Variants in EXOC5 observed in about 807,000 individuals in gnomAD.
EXOC5 encodes the protein SEC10-like 1.
Under a neutral mutation model 90.8 loss-of-function variants are expected in EXOC5, and 17 were observed. The ratio of observed to expected loss-of-function variants is 0.19; its 90% CI spans 0.13 to 0.28. The LOEUF (loss-of-function observed/expected upper bound fraction) is 0.28. EXOC5 is among the 10% of genes least tolerant of loss of function. The pLI is 1.00. For missense variants in EXOC5, 569 were observed against 830.6 expected (o/e 0.69, Z 3.87); for synonymous variants, 260 against 270.0 (o/e 0.96, Z 0.36).
chr14:57,230,901 T>C (rs915781561), intron 11 of EXOC5, among the ~76,000 whole-genome samples: 7 of 151,994 alleles, frequency 4.6e-5, no homozygotes, highest in Non-Finnish European at 1.0e-4. Context: ...CTGGAACTTA[T>C]TCTATCGAGA....
chr14:57,212,405 ACCC>A (rs1882856639), intron 15 of EXOC5, among the ~76,000 whole-genome samples: 1 of 152,204 alleles, frequency 6.6e-6, no homozygotes, highest in Non-Finnish European at 1.5e-5. Flanking sequence ...ATAACGGTGG[ACCC>A]AACAAGAAAT....
Position 57,253,529 on chromosome 14 carries a change from T to C in EXOC5, c.28-5817A>G, listed in dbSNP as rs1000613824. ...CCAATGACTTTGTTTTATTCAAAAATAGACAAACCCCGAAGAGCACAAAAC... is the reference window on the plus strand; with the variant it reads ...CCAATGACTTTGTTTTATTCAAAAACAGACAAACCCCGAAGAGCACAAAAC... On this transcript the variant is annotated intron_variant, in intron 1 of 17. Transcript: ENST00000621441. Among the ~76,000 whole-genome samples the C allele has an allele frequency of 6.6e-5, 10 of 152,116 alleles. No individual in the cohort carries two copies. The East Asian group carries it at 9.6e-4, about 15-fold the overall frequency.
chr14:57,234,572 T>C (rs8011504), intron 7 of EXOC5, among the ~76,000 whole-genome samples: 30,781 of 147,006 alleles, frequency 0.21, 4,391 homozygotes, highest in African/African-American at 0.41. Context: ...TATATTTCTT[T>C]TTTTTTTTTT....
At chr14:57,244,520 C>T (rs537550476) in intron 3 of EXOC5, among the ~76,000 whole-genome samples, 161 bp from the exon 4 acceptor site, 1 of 151,930 alleles carries the variant, frequency 6.6e-6, no homozygotes, top group African/African-American at 2.4e-5. Flanking sequence ...AATCTGTTAA[C>T]CAAACTGCAA....
chr14:57,250,478 C>T (rs886162162), intron 1 of EXOC5, among the ~76,000 whole-genome samples: 3 of 152,166 alleles, frequency 2.0e-5, no homozygotes, highest in Admixed American at 2.0e-4. Context: ...CTTTAGTACA[C>T]TAAGGAAAGA....
Position 57,202,727 on chromosome 14 carries a change from T to G in EXOC5, c.*5882A>C, listed in dbSNP as rs1882543238. ...AACTGTTTTGGTTTTGTTATTAATTTCCTTTGAAATTTTTCTCATGCAAGA... is the reference window on the plus strand; with the variant it reads ...AACTGTTTTGGTTTTGTTATTAATTGCCTTTGAAATTTTTCTCATGCAAGA... On this transcript the variant is annotated 3_prime_UTR_variant, in exon 18 of 18. Transcript: ENST00000621441. The G allele has an allele frequency of 6.6e-6, 1 of 152,208 alleles. No homozygotes were observed. The highest frequency in any genetic ancestry group is 2.1e-4 in the South Asian group (1 of 4,832). The allele number at this position is 152,208 out of a possible 1,614,324, so 9.4% of individuals were successfully genotyped here.
Position 57,238,985 on chromosome 14 carries a change from C to T in EXOC5, c.530+610G>A, listed in dbSNP as rs545047289. 2.6e-5 allele frequency among the ~76,000 whole-genome samples: 4 copies of T among 152,042 alleles called. No homozygotes were observed. The South Asian group carries it at 8.3e-4, about 32-fold the overall frequency. On this transcript the variant is annotated intron_variant, in intron 5 of 17. Coordinates refer to ENST00000621441, the MANE Select transcript of EXOC5 (RefSeq NM_006544.4). ...AGAAATCATGAAAAAATTTCCTTCT[C>T]AGTGGATAGTTTATTTTAGGATGAA...
rs941476927 is a variant in EXOC5 at position 57,207,928 on chromosome 14, T to C, written c.*681A>G. On this transcript the variant is annotated 3_prime_UTR_variant, in exon 18 of 18. Coordinates refer to ENST00000621441, the MANE Select transcript of EXOC5 (RefSeq NM_006544.4). Reference sequence around the variant, plus strand: ...TACCAAATAAGAAATAGTAAACTTTTAAGTTTTACCCAGAAAGCAGAAGTA... The same window carrying C: ...TACCAAATAAGAAATAGTAAACTTTCAAGTTTTACCCAGAAAGCAGAAGTA... The C allele has an allele frequency of 6.6e-6, 1 of 152,116 alleles. No individual in the cohort carries two copies. The highest frequency in any genetic ancestry group is 1.5e-5 in the Non-Finnish European group (1 of 67,992). 9.4% of individuals were successfully genotyped at this position (152,116 alleles called of 1,614,324 possible).
rs552802685 is a variant in EXOC5 at position 57,212,093 on chromosome 14, G to A, written c.1614-2032C>T. Among the ~76,000 whole-genome samples, 20 of 152,218 alleles carry A rather than the reference G, an allele frequency of 1.3e-4. No individual in the cohort carries two copies. In the South Asian group the frequency reaches 3.1e-3, roughly 24 times the overall value. The stretch of plus-strand genomic sequence containing the variant: ...TGCCTCAGGCTGGTCCCAAACTCCC[G>A]GGCTCAAGTGATCCTCCTGCCTCAG... On this transcript the variant is annotated intron_variant, in intron 15 of 17. Coordinates refer to ENST00000621441, the MANE Select transcript of EXOC5 (RefSeq NM_006544.4).
At chr14:57,256,447 C>T (rs932396216) in intron 1 of EXOC5, among the ~76,000 whole-genome samples, 3 of 152,066 alleles carry the variant, frequency 2.0e-5, no homozygotes, top group South Asian at 2.1e-4. Flanking sequence ...GTTGCAACTC[C>T]GAGACCAGCT....
In EXOC5 at chr14:57,208,085, T is replaced by C. The variant is rs1469724915; in HGVS notation, c.*524A>G. The C allele has an allele frequency of 6.6e-6, 1 of 152,468 alleles. No homozygotes were observed. The highest frequency in any genetic ancestry group is 1.5e-5 in the Non-Finnish European group (1 of 68,214). The allele number at this position is 152,468 out of a possible 1,614,324, so 9.4% of individuals were successfully genotyped here. ...AACCAACTGCAGAAAGTATGCTTAA[T>C]TGTTAACCTTTTGAAAGAGGCAAAA... is the stretch of plus-strand genomic sequence containing the variant. On this transcript the variant is annotated 3_prime_UTR_variant, in exon 18 of 18. Transcript: ENST00000621441.
chr14:57,249,231 T>G (rs1221540016), intron 1 of EXOC5, among the ~76,000 whole-genome samples: 1 of 152,120 alleles, frequency 6.6e-6, no homozygotes, highest in Non-Finnish European at 1.5e-5. Flanking sequence ...GTTGTGAAAT[T>G]AGGAAGTAGT....
chr14:57,249,315 T>C lies in EXOC5; in HGVS notation c.28-1603A>G, dbSNP rs569943111. ...TAATCATATCCCTTTCCCTATCATT[T>C]TCTTGGCATACACATTAGTATACTT... On this transcript the variant is annotated intron_variant, in intron 1 of 17. Transcript: ENST00000621441. 5.9e-5 allele frequency among the ~76,000 whole-genome samples: 9 copies of C among 152,300 alleles called. No homozygotes were observed. The South Asian group carries it at 8.3e-4, about 14-fold the overall frequency.
chr14:57,200,890 C>T lies in EXOC5; in HGVS notation c.*7719G>A, dbSNP rs1157534085. 1.3e-5 allele frequency: 2 copies of T among 151,746 alleles called. No homozygotes were observed. Among genetic ancestry groups the T allele is most frequent in the Non-Finnish European group, 2.9e-5 (2 of 67,992 alleles). The allele number at this position is 151,746 out of a possible 1,614,324, so 9.4% of individuals were successfully genotyped here. On this transcript the variant is annotated 3_prime_UTR_variant, in exon 18 of 18. Coordinates refer to ENST00000621441, the MANE Select transcript of EXOC5 (RefSeq NM_006544.4). ...CCATTCTTATTCCCTCAATTTGGTC[C>T]TAAAGCCAAAACTTCAAGAGCTATG...
chr14:57,238,895 T>G (rs1012734166), intron 5 of EXOC5, among the ~76,000 whole-genome samples: 1 of 152,072 alleles, frequency 6.6e-6, no homozygotes, highest in Non-Finnish European at 1.5e-5. Flanking sequence ...CTTTCAAATA[T>G]TCACATGGAG....
chr14:57,230,829 T>C (rs1228592562), intron 11 of EXOC5, among the ~76,000 whole-genome samples: 1 of 151,942 alleles, frequency 6.6e-6, no homozygotes, highest in Admixed American at 6.6e-5. Context: ...CTACAAACTA[T>C]TTTCTATTTT....
chr14:57,215,287 C>A (rs1681309904), intron 15 of EXOC5, among the ~76,000 whole-genome samples: 1 of 151,040 alleles, frequency 6.6e-6, no homozygotes, highest in South Asian at 2.1e-4. Context: ...CTTTTTCAAA[C>A]AATGGAAGAA....
chr14:57,252,064 C>A (rs1884212622), intron 1 of EXOC5, among the ~76,000 whole-genome samples: 1 of 152,102 alleles, frequency 6.6e-6, no homozygotes, highest in Non-Finnish European at 1.5e-5. Context: ...AATCAGTAAT[C>A]AAAAATCTCC....
rs1039184617 is a variant in EXOC5 at position 57,205,973 on chromosome 14, A to C, written c.*2636T>G. 2.2e-6 allele frequency: 1 copy of C among 455,954 alleles called. No homozygotes were observed. The highest frequency in any genetic ancestry group is 4.4e-6 in the Non-Finnish European group (1 of 226,578). The allele number at this position is 455,954 out of a possible 1,614,324, so 28.2% of individuals were successfully genotyped here. A position where few individuals can be genotyped will look rare whatever the true frequency, so the allele number is the denominator to read the frequency against. The stretch of plus-strand genomic sequence containing the variant: ...AATTCTTCATAAGGACACTTCATCT[A>C]CTCTGGTTGACTGTCATTTTCAACA... On this transcript the variant is annotated 3_prime_UTR_variant, in exon 18 of 18. Transcript: ENST00000621441.
Sources: allele counts gnomAD v4.1 joint callset (sites outside exome capture counted in the v4.1 genomes callset), GRCh38; gene constraint gnomAD v4.1.1; transcripts MANE v1.5; gene names NCBI Gene and HGNC (gene_info 2026-07-23, HGNC 2026-07-21).